ARHGAP8: variants seen among roughly 807,000 people sequenced by gnomAD.
The protein encoded by ARHGAP8 is Rho GTPase activating protein 8, also known as rho GTPase-activating protein 8.
A neutral mutation model predicts 46.1 loss-of-function variants in ARHGAP8; 62 were observed. The observed-to-expected ratio is 1.34, with a 90% CI of 1.10 to 1.66. The LOEUF is 1.66. Ranked by LOEUF, ARHGAP8 falls within the 40% of genes most tolerant of loss-of-function variation. The pLI, the probability that ARHGAP8 is intolerant of heterozygous loss-of-function variation, is 0.00. For synonymous variants in ARHGAP8, 375 were observed against 243.1 expected (o/e 1.54, Z -5.05); for missense variants, 923 against 568.4 (o/e 1.62, Z -6.34).
intron 3 of ARHGAP8, among the ~76,000 whole-genome samples, chr22:44,802,492 C>T (rs936333557): frequency 3.9e-5 from 6 of 152,180 alleles, no homozygotes; most frequent in Admixed American, 6.5e-5. Flanking sequence ...ACACGGCTGC[C>T]GAGCGCCAGG....
chr22:44,784,167 G>A (rs1009532260), intron 1 of ARHGAP8, among the ~76,000 whole-genome samples: 1 of 152,170 alleles, frequency 6.6e-6, no homozygotes, highest in African/African-American at 2.4e-5. Context: ...ACTTTGGGAG[G>A]TCAAGGAAGG....
At chr22:44,774,144 A>T (rs1169075975) in intron 1 of ARHGAP8, among the ~76,000 whole-genome samples, 1 of 152,160 alleles carries the variant, frequency 6.6e-6, no homozygotes, top group Non-Finnish European at 1.5e-5. Context: ...CTAGGGTCTT[A>T]AATTTATGCC....
chr22:44,794,465 C>T (rs907031993), intron 2 of ARHGAP8, among the ~76,000 whole-genome samples: 2 of 152,042 alleles, frequency 1.3e-5, no homozygotes, highest in Non-Finnish European at 2.9e-5. Context: ...AATCCCAGCA[C>T]TTTGGGAGGC....
chr22:44,797,112 C>A (rs1360766326), intron 2 of ARHGAP8, among the ~76,000 whole-genome samples: 1 of 152,180 alleles, frequency 6.6e-6, no homozygotes, highest in Non-Finnish European at 1.5e-5. Context: ...ATACAGTGGG[C>A]CCCCAACAAA....
chr22:44,798,752 C>T (rs55877906), intron 2 of ARHGAP8, among the ~76,000 whole-genome samples: 1,810 of 152,074 alleles, frequency 0.012, 13 homozygotes, highest in Non-Finnish European at 0.019. Flanking sequence ...TGAAATGTGG[C>T]GAGTGCCACT....
At chr22:44,839,008 G>A (rs1359760932) in intron 7 of ARHGAP8, among the ~76,000 whole-genome samples, 2 of 152,220 alleles carry the variant, frequency 1.3e-5, no homozygotes, top group Non-Finnish European at 2.9e-5. Flanking sequence ...ACTGGCCGGT[G>A]GTGATCTAGC....
intron 7 of ARHGAP8, among the ~76,000 whole-genome samples, chr22:44,828,952 T>G (rs77339095): frequency 0.019 from 2,891 of 151,904 alleles, 49 homozygotes; most frequent in Non-Finnish European, 0.029. Context: ...CACTTCTCTC[T>G]TCTTATCATC....
At chr22:44,856,974 C>G (rs1397340853) in intron 10 of ARHGAP8, among the ~76,000 whole-genome samples, 1 of 139,832 alleles carries the variant, frequency 7.2e-6, no homozygotes. Context: ...GAGTTTTGCT[C>G]TTGTCGCAAA....
chr22:44,757,001 G>T (rs1019218654), intron 1 of ARHGAP8, among the ~76,000 whole-genome samples: 1 of 151,902 alleles, frequency 6.6e-6, no homozygotes, highest in Non-Finnish European at 1.5e-5. Flanking sequence ...CTGCGGCCTC[G>T]AACTCCTGGG....
chr22:44,773,448 G>A (rs906120351), intron 1 of ARHGAP8, among the ~76,000 whole-genome samples: 3 of 152,174 alleles, frequency 2.0e-5, no homozygotes, highest in Non-Finnish European at 4.4e-5. Flanking sequence ...TTTCCCAAAA[G>A]ACCCTAAATA....
intron 7 of ARHGAP8, among the ~76,000 whole-genome samples, chr22:44,832,833 A>G (rs959636126): frequency 5.3e-5 from 8 of 152,182 alleles, no homozygotes; most frequent in African/African-American, 1.9e-4. Flanking sequence ...TGATCTTAAG[A>G]ATCAGCAGTT....
At chr22:44,754,432 T>G (rs1479867981) in intron 1 of ARHGAP8, among the ~76,000 whole-genome samples, 1 of 151,556 alleles carries the variant, frequency 6.6e-6, no homozygotes, top group Non-Finnish European at 1.5e-5. Context: ...CTCAGCTCAC[T>G]GCAACCTCTG....
At chr22:44,840,136 G>T (rs1931555960) in intron 7 of ARHGAP8, among the ~76,000 whole-genome samples, 1 of 152,224 alleles carries the variant, frequency 6.6e-6, no homozygotes, top group African/African-American at 2.4e-5. Flanking sequence ...GGACAGGAGA[G>T]AAGGACCTGG....
intron 1 of ARHGAP8, among the ~76,000 whole-genome samples, chr22:44,777,750 T>C (rs939329637): frequency 2.5e-4 from 38 of 152,032 alleles, no homozygotes; most frequent in African/African-American, 8.7e-4. Flanking sequence ...GGCTGGAGTG[T>C]AATGGCACAA....
chr22:44,789,134 T>C (rs115309698), intron 2 of ARHGAP8, among the ~76,000 whole-genome samples: 3,372 of 152,196 alleles, frequency 0.022, 120 homozygotes, highest in African/African-American at 0.077. Context: ...TTGATGCTTT[T>C]TGGTTTTTTT....
chr22:44,768,662 T>G (rs960927386), intron 1 of ARHGAP8, among the ~76,000 whole-genome samples: 16 of 152,014 alleles, frequency 1.1e-4, no homozygotes, highest in Non-Finnish European at 2.2e-4. Context: ...AACCGAACAT[T>G]AGCACCGAAG....
chr22:44,760,511 C>A (rs934110930), intron 1 of ARHGAP8, among the ~76,000 whole-genome samples: 1 of 152,170 alleles, frequency 6.6e-6, no homozygotes, highest in Non-Finnish European at 1.5e-5. Context: ...TTTATCAGAA[C>A]ACCCAGTTCC....
At chr22:44,810,331 T>A (rs1929247598) in intron 4 of ARHGAP8, among the ~76,000 whole-genome samples, 2 of 132,776 alleles carry the variant, frequency 1.5e-5, no homozygotes, top group Admixed American at 8.7e-5. Flanking sequence ...AACCTCCACC[T>A]CCCAGGTTCA....
intron 10 of ARHGAP8, among the ~76,000 whole-genome samples, chr22:44,855,703 G>T (rs1040442254): frequency 2.0e-5 from 3 of 152,066 alleles, no homozygotes; most frequent in African/African-American, 7.2e-5. Context: ...TGTGGCCATG[G>T]ATACAAGAGA....
Sources: gnomAD v4.1 joint callset for allele counts (sites outside exome capture counted in the v4.1 genomes callset) on GRCh38, gnomAD v4.1.1 for gene constraint, MANE v1.5 for transcripts, NCBI Gene and HGNC (gene_info 2026-07-23, HGNC 2026-07-21) for gene names.